Variants in CACNA2D3 observed in about 807,000 individuals in gnomAD.
CACNA2D3 encodes calcium voltage-gated channel auxiliary subunit alpha2delta 3, also known as voltage-dependent calcium channel subunit alpha-2/delta-3.
A neutral mutation model predicts 160.6 loss-of-function variants in CACNA2D3; 60 were observed. The ratio of observed to expected loss-of-function variants is 0.37; its 90% CI spans 0.30 to 0.46. The LOEUF is 0.46. CACNA2D3 is among the 20% of genes least tolerant of loss of function. The pLI is 1.00. For synonymous variants in CACNA2D3, 558 were observed against 492.9 expected, an observed-to-expected ratio of 1.13 and a Z score of -1.75; for missense variants, 1,205 against 1,365.0, an observed-to-expected ratio of 0.88 and a Z score of 1.85.
intron 11 of CACNA2D3, among the ~76,000 whole-genome samples, chr3:54,734,764 A>G (rs1283529678): frequency 1.3e-5 from 2 of 152,178 alleles, no homozygotes; most frequent in Non-Finnish European, 2.9e-5. Flanking sequence ...GGGGATAATA[A>G]CTGGTTGTCA....
intron 11 of CACNA2D3, among the ~76,000 whole-genome samples, chr3:54,745,976 A>G (rs763261958): frequency 3.3e-5 from 5 of 152,212 alleles, no homozygotes; most frequent in Non-Finnish European, 4.4e-5. Context: ...ATTTAATTCA[A>G]TTTATCCCAT....
chr3:54,747,203 G>GTA (rs1297696396), intron 11 of CACNA2D3, among the ~76,000 whole-genome samples: 3 of 152,076 alleles, frequency 2.0e-5, no homozygotes, highest in African/African-American at 7.2e-5. Context: ...TTTTTAAAAT[G>GTA]TATATCCCTG....
chr3:54,269,100 A>G (rs1247732432), intron 2 of CACNA2D3, among the ~76,000 whole-genome samples: 1 of 152,076 alleles, frequency 6.6e-6, no homozygotes, highest in Non-Finnish European at 1.5e-5. Flanking sequence ...TCTGCTCAGC[A>G]AGGAAAACAG....
At chr3:54,510,993 A>G (rs1412484593) in intron 5 of CACNA2D3, among the ~76,000 whole-genome samples, 5 of 151,980 alleles carry the variant, frequency 3.3e-5, no homozygotes, top group Non-Finnish European at 7.4e-5. Flanking sequence ...ACGCTCACAA[A>G]CCAGCTCTGG....
intron 2 of CACNA2D3, among the ~76,000 whole-genome samples, chr3:54,239,829 AATAGTT>A (rs1252901289): frequency 6.6e-6 from 1 of 152,244 alleles, no homozygotes; most frequent in East Asian, 1.9e-4. Flanking sequence ...TCATCATTAA[AATAGTT>A]ATAGTTAAAA....
chr3:54,736,076 T>TAC (rs368829174), intron 11 of CACNA2D3, among the ~76,000 whole-genome samples: 10,292 of 37,304 alleles, frequency 0.28, 2,314 homozygotes, highest in Non-Finnish European at 0.38. Context: ...TATATATACA[T>TAC]ATATATGTAT....
chr3:54,460,045 G>A (rs1328679398), intron 4 of CACNA2D3, among the ~76,000 whole-genome samples: 10 of 151,762 alleles, frequency 6.6e-5, no homozygotes, highest in African/African-American at 2.4e-4. Context: ...TTTCCCCATT[G>A]CTTGTTTTTC....
intron 2 of CACNA2D3, among the ~76,000 whole-genome samples, chr3:54,139,927 G>A (rs147883623): frequency 6.6e-6 from 1 of 152,318 alleles, no homozygotes; most frequent in African/African-American, 2.4e-5. Context: ...CATAAGCAAT[G>A]GAGCTGAGGG....
chr3:54,156,281 T>G (rs1700242075), intron 2 of CACNA2D3, among the ~76,000 whole-genome samples: 1 of 152,176 alleles, frequency 6.6e-6, no homozygotes, highest in African/African-American at 2.4e-5. Flanking sequence ...TGTGGACAAC[T>G]GGAATGTCAT....
At chr3:54,467,480 G>A (rs1391173512) in intron 4 of CACNA2D3, among the ~76,000 whole-genome samples, 3 of 152,164 alleles carry the variant, frequency 2.0e-5, no homozygotes, top group African/African-American at 7.2e-5. Context: ...TTGAGACTTG[G>A]GCAAGCCATT....
chr3:54,819,256 T>C (rs2106718411), intron 14 of CACNA2D3, among the ~76,000 whole-genome samples: 1 of 152,368 alleles, frequency 6.6e-6, no homozygotes, highest in South Asian at 2.1e-4. Context: ...TACATGTTTT[T>C]ATTTACTTAA....
chr3:54,987,195 G>A (rs3773580), intron 30 of CACNA2D3, among the ~76,000 whole-genome samples: 51,058 of 152,018 alleles, frequency 0.34, 10,161 homozygotes, highest in African/African-American at 0.56. Context: ...CTGAGAAAGG[G>A]TGGATTCTCA....
chr3:54,739,130 A>T (rs914776952), intron 11 of CACNA2D3, among the ~76,000 whole-genome samples: 4 of 150,930 alleles, frequency 2.7e-5, no homozygotes, highest in African/African-American at 9.8e-5. Context: ...CTCAATAGGA[A>T]AAAAAAAAGA....
At chr3:54,356,164 G>T (rs1426590361) in intron 3 of CACNA2D3, among the ~76,000 whole-genome samples, 1 of 152,188 alleles carries the variant, frequency 6.6e-6, no homozygotes, top group African/African-American at 2.4e-5. Context: ...GACAGCTTTT[G>T]ACAGGGCCAG....
chr3:54,165,877 CA>C (rs1318131860), intron 2 of CACNA2D3, among the ~76,000 whole-genome samples: 2 of 152,118 alleles, frequency 1.3e-5, no homozygotes, highest in African/African-American at 4.8e-5. Context: ...CACATCTTAT[CA>C]TTAATATATG....
At chr3:54,274,526 A>G (rs376808860) in intron 2 of CACNA2D3, among the ~76,000 whole-genome samples, 4 of 152,310 alleles carry the variant, frequency 2.6e-5, no homozygotes, top group South Asian at 2.1e-4. Flanking sequence ...TTAGTTATCT[A>G]TTGTATTGCA....
chr3:54,994,205 C>G (rs1200094244), intron 31 of CACNA2D3, among the ~76,000 whole-genome samples: 1 of 152,086 alleles, frequency 6.6e-6, no homozygotes, highest in African/African-American at 2.4e-5. Flanking sequence ...TGTGGTGGGA[C>G]TTGGGAGCTT....
At chr3:54,716,622 A>G (rs1701055602) in intron 11 of CACNA2D3, among the ~76,000 whole-genome samples, 1 of 152,162 alleles carries the variant, frequency 6.6e-6, no homozygotes, top group South Asian at 2.1e-4. Flanking sequence ...TCCTGTGTCT[A>G]TGAGCTGTTA....
At chr3:54,805,126 A>T (rs1703087759) in intron 13 of CACNA2D3, among the ~76,000 whole-genome samples, 2 of 152,232 alleles carry the variant, frequency 1.3e-5, no homozygotes, top group South Asian at 2.1e-4. Context: ...ACACCCTAAC[A>T]TCACAATTAA....
Sources: gnomAD v4.1 joint callset for allele counts (sites outside exome capture counted in the v4.1 genomes callset) on GRCh38, gnomAD v4.1.1 for gene constraint, MANE v1.5 for transcripts, NCBI Gene and HGNC (gene_info 2026-07-23, HGNC 2026-07-21) for gene names.